The following SBF2 variants were observed in gnomAD, a reference collection of about 807,000 sequenced individuals.
The protein encoded by SBF2 is myotubularin-related protein 13.
Under a neutral mutation model 225.2 loss-of-function variants are expected in SBF2, and 112 were observed. The ratio of observed to expected loss-of-function variants is 0.50; its 90% CI spans 0.43 to 0.58. The LOEUF (loss-of-function observed/expected upper bound fraction) is 0.58. SBF2 is among the 20% of genes least tolerant of loss of function. SBF2 has a pLI of 0.00. For synonymous variants in SBF2, 763 were observed against 773.3 expected, an observed-to-expected ratio of 0.99 and a Z score of 0.22; for missense variants, 1,996 against 2,206.2, an observed-to-expected ratio of 0.90 and a Z score of 1.91.
At chr11:10,069,943 C>A (rs1278999633) in intron 2 of SBF2, among the ~76,000 whole-genome samples, 1 of 152,196 alleles carries the variant, frequency 6.6e-6, no homozygotes, top group Admixed American at 6.5e-5. Flanking sequence ...TGTCTGTTGG[C>A]TGCATAAATG....
intron 26 of SBF2, among the ~76,000 whole-genome samples, chr11:9,837,372 T>C (rs1416758875): frequency 1.3e-5 from 2 of 152,212 alleles, no homozygotes; most frequent in African/African-American, 4.8e-5. Context: ...AAATACAGAA[T>C]TTACATAAAT....
At position 10,278,054 on chromosome 11, in the gene SBF2, T is replaced by C. The variant is rs906318861; in HGVS notation, c.55+15961A>G. 3.3e-4 allele frequency among the ~76,000 whole-genome samples: 50 copies of C among 152,244 alleles called. 1 individual carries two copies. Among genetic ancestry groups the C allele is most frequent in the Admixed American group, 3.3e-3 (50 of 15,286 alleles). ...TTCTCTGTACTTCCCTGCAATAGTA[T>C]TAATTTTCCCAAAAGACCCAAACTT... is the stretch of plus-strand genomic sequence containing the variant. On this transcript the variant is annotated intron_variant, in intron 1 of 39. Transcript: ENST00000256190.
chr11:10,161,359 C>T (rs1488306104), intron 2 of SBF2, among the ~76,000 whole-genome samples: 10 of 152,026 alleles, frequency 6.6e-5, no homozygotes, highest in Non-Finnish European at 1.5e-5. Flanking sequence ...GTTATACTGC[C>T]TCTTCTTTAA....
At chr11:9,900,841 A>C (rs1331500086) in intron 16 of SBF2, among the ~76,000 whole-genome samples, 2 of 152,076 alleles carry the variant, frequency 1.3e-5, no homozygotes, top group African/African-American at 4.8e-5. Context: ...GGCTCAAGCG[A>C]TCCTCCTGCC....
chr11:10,293,953 G>T, intron 1 of SBF2, 62 bp downstream of exon 1: 2 of 1,085,734 alleles, frequency 1.8e-6, no homozygotes, highest in Non-Finnish European at 2.3e-6. Context: ...GCCCCGCGGA[G>T]CCCACTGGAC....
At chr11:10,123,195 G>A (rs1212182214) in intron 2 of SBF2, among the ~76,000 whole-genome samples, 1 of 152,134 alleles carries the variant, frequency 6.6e-6, no homozygotes, top group Non-Finnish European at 1.5e-5. Context: ...ATGAATCCAT[G>A]TATGCTCATC....
At chr11:9,955,524 G>T (rs1486728812) in intron 16 of SBF2, among the ~76,000 whole-genome samples, 1 of 151,914 alleles carries the variant, frequency 6.6e-6, no homozygotes, top group Non-Finnish European at 1.5e-5. Context: ...GGCTGTTTTT[G>T]ATTTTTGCCA....
intron 2 of SBF2, among the ~76,000 whole-genome samples, chr11:10,133,494 G>T (rs7122370): frequency 7.3e-6 from 1 of 136,254 alleles, no homozygotes; most frequent in Non-Finnish European, 1.7e-5. Context: ...ACGCAGTGCC[G>T]GTGGGCCAGC....
At chr11:9,943,675 T>C (rs1865410531) in intron 16 of SBF2, among the ~76,000 whole-genome samples, 2 of 152,088 alleles carry the variant, frequency 1.3e-5, no homozygotes, top group Non-Finnish European at 1.5e-5. Context: ...ATTACAATGA[T>C]ATGTCCTTTT....
chr11:10,095,885 G>A (rs971550896), intron 2 of SBF2, among the ~76,000 whole-genome samples: 13 of 152,072 alleles, frequency 8.5e-5, no homozygotes, highest in East Asian at 3.9e-4. Context: ...GTCTCAGAGC[G>A]GGGGAAAAAA....
rs376490933 is a variant in SBF2, at chr11:10,148,126, T to C, written c.141+45776A>G. Among the ~76,000 whole-genome samples, 92 of 152,298 alleles carry C rather than the reference T, an allele frequency of 6.0e-4. 1 individual carries two copies. In the South Asian group the frequency reaches 0.018, roughly 30 times the overall value. On this transcript the variant is annotated intron_variant, in intron 2 of 39. Coordinates refer to ENST00000256190, the MANE Select transcript of SBF2 (RefSeq NM_030962.4). ...TTTATATTTGTGCTTTACTATATAA[T>C]ACGAAGTTTACTGCTATAACCCAAA...
chr11:10,182,647 G>A (rs766603823), intron 2 of SBF2, among the ~76,000 whole-genome samples: 1 of 152,010 alleles, frequency 6.6e-6, no homozygotes, highest in Non-Finnish European at 1.5e-5. Context: ...TCTGCCTCCT[G>A]GGCTCAAGCG....
In SBF2 at chr11:10,069,446, G is replaced by A. The variant is rs557700779; in HGVS notation, c.142-26465C>T. ...GTCTTTGTTACAGTTTGCTAAGAAC[G>A]ATGGTTTCTAACTTCATCCATGTAC... On this transcript the variant is annotated intron_variant, in intron 2 of 39. Coordinates refer to ENST00000256190, the MANE Select transcript of SBF2 (RefSeq NM_030962.4). Among the ~76,000 whole-genome samples, 161 of 152,074 alleles carry A rather than the reference G, an allele frequency of 1.1e-3. 2 individuals carry two copies. Among genetic ancestry groups the A allele is most frequent in the African/African-American group, 3.5e-3 (145 of 41,474 alleles).
intron 13 of SBF2, among the ~76,000 whole-genome samples, chr11:9,976,018 G>C (rs958998166): frequency 1.3e-5 from 2 of 150,166 alleles, no homozygotes; most frequent in African/African-American, 4.9e-5. Context: ...GCTGGGCAAT[G>C]AAATATCCAT....
At chr11:10,072,631 A>G (rs1950927946) in intron 2 of SBF2, among the ~76,000 whole-genome samples, 1 of 152,032 alleles carries the variant, frequency 6.6e-6, no homozygotes, top group Non-Finnish European at 1.5e-5. Context: ...AATTTCCTGG[A>G]CAACAAATAG....
intron 13 of SBF2, among the ~76,000 whole-genome samples, chr11:9,981,541 T>C (rs902157207): frequency 6.6e-6 from 1 of 152,220 alleles, no homozygotes; most frequent in Non-Finnish European, 1.5e-5. Flanking sequence ...TCAAGAGATA[T>C]ACAACCAATA....
intron 1 of SBF2, among the ~76,000 whole-genome samples, chr11:10,235,350 C>T (rs921413428): frequency 6.6e-6 from 1 of 152,146 alleles, no homozygotes; most frequent in Non-Finnish European, 1.5e-5. Context: ...GCCTCACCAA[C>T]GTGGAGAAAC....
chr11:10,257,011 C>T (rs997627993), intron 1 of SBF2, among the ~76,000 whole-genome samples: 1 of 152,168 alleles, frequency 6.6e-6, no homozygotes, highest in African/African-American at 2.4e-5. Flanking sequence ...GTAAATTTTA[C>T]TGATCACCAT....
chr11:10,116,181 A>G (rs1057291696), intron 2 of SBF2, among the ~76,000 whole-genome samples: 2 of 152,198 alleles, frequency 1.3e-5, no homozygotes, highest in Non-Finnish European at 2.9e-5. Flanking sequence ...AAAGAAAAAA[A>G]GGAAAAAAAA....
Sources: gnomAD v4.1 joint callset for allele counts (sites outside exome capture counted in the v4.1 genomes callset) on GRCh38, gnomAD v4.1.1 for gene constraint, MANE v1.5 for transcripts, NCBI Gene and HGNC (gene_info 2026-07-23, HGNC 2026-07-21) for gene names.